The following ZNF347 variants were observed in gnomAD, a reference collection of about 807,000 sequenced individuals.
ZNF347 encodes zinc finger protein 347.
In ZNF347, 19 loss-of-function variants were observed where a neutral mutation model predicts 12.9. That is an observed-to-expected ratio of 1.47 (90% CI 1.03 to 2.16). The LOEUF (loss-of-function observed/expected upper bound fraction) is 2.16. Among genes scored for constraint, ZNF347 ranks in the 30% most tolerant of loss-of-function variants. The pLI is 0.00. For missense variants in ZNF347, 1,005 were observed against 990.6 expected (o/e 1.01, Z -0.19); for synonymous variants, 328 against 340.6 (o/e 0.96, Z 0.41).
intron 1 of ZNF347, among the ~76,000 whole-genome samples, chr19:53,155,993 T>G (rs954387670): frequency 1.0e-4 from 13 of 128,502 alleles, no homozygotes; most frequent in African/African-American, 3.8e-4. Flanking sequence ...CACCAAAATG[T>G]GTGTGTGGCT....
Position 53,142,077 on chromosome 19 carries a change from C to T in ZNF347, c.751G>A (p.Gly251Arg). 6.2e-7 allele frequency: 1 copy of T among 1,612,300 alleles called. No homozygotes were observed. Among genetic ancestry groups the T allele is most frequent in the East Asian group, 2.2e-5 (1 of 44,868 alleles). Residue 251 changes from glycine to arginine, a missense_variant, in exon 5 of 5, where the codon GGG becomes AGG. Physicochemically the swap from Gly to Arg is moderately radical, Grantham distance 125. Coordinates refer to ENST00000334197, the MANE Select transcript of ZNF347 (RefSeq NM_032584.3). ...DFISSLLLTQ[G>R]QKANNWGSPY... ...CTTCCCCAATTATTTGCTTTTTGCCCCTGTGTGAGTAATAAAGAAGAGATA... is the reference window on the plus strand; with the variant it reads ...CTTCCCCAATTATTTGCTTTTTGCCTCTGTGTGAGTAATAAAGAAGAGATA...
rs1308395127 is a variant in ZNF347, at chr19:53,145,152, G to A, written c.272-2596C>T. 3.3e-5 allele frequency among the ~76,000 whole-genome samples: 5 copies of A among 151,890 alleles called. No individual in the cohort carries two copies. In the East Asian group the frequency reaches 5.9e-4, roughly 18 times the overall value. ...CTAAAAACACAAAAATTAGCCAGGC[G>A]TGGTGGCACACGCCTATAATCCTAG... On this transcript the variant is annotated intron_variant, in intron 4 of 4. Transcript: ENST00000334197.
Position 53,138,085 on chromosome 19 carries a change from G to C in ZNF347, c.*2223C>G, listed in dbSNP as rs2090396923. On this transcript the variant is annotated 3_prime_UTR_variant, in exon 5 of 5. Coordinates refer to ENST00000334197, the MANE Select transcript of ZNF347 (RefSeq NM_032584.3). ...GCCTCCCTAAGTGCTGGGATTACAG[G>C]TGTGAGCCACCACACCCAGCCAATA... The C allele has an allele frequency of 6.6e-6, 1 of 152,050 alleles. No homozygotes were observed. The highest frequency in any genetic ancestry group is 1.9e-4 in the East Asian group (1 of 5,188). 9.4% of individuals were successfully genotyped at this position (152,050 alleles called of 1,614,324 possible).
rs1381780824 is a variant in ZNF347, at chr19:53,146,876, T to A, written c.271+1805A>T. ...AAAATTGAAGCTGAAAAAAAAAAAA[T>A]TTCATGTAGAAGAAAAGCCCAGGAT... On this transcript the variant is annotated intron_variant, in intron 4 of 4. Transcript: ENST00000334197. Among the ~76,000 whole-genome samples the A allele has an allele frequency of 7.3e-5, 11 of 150,440 alleles. No homozygotes were observed. In the East Asian group the frequency reaches 7.8e-4, roughly 11 times the overall value.
rs749366487 is a variant in ZNF347 at position 53,142,365 on chromosome 19, C to T, written c.463G>A (p.Val155Met). 1.9e-6 allele frequency: 3 copies of T among 1,613,944 alleles called. No homozygotes were observed. The highest frequency in any genetic ancestry group is 1.6e-4 in the Middle Eastern group (1 of 6,082). Residue 155 changes from valine to methionine, a missense_variant, in exon 5 of 5, where the codon GTG becomes ATG. Val to Met is a conservative substitution (Grantham distance 21, BLOSUM62 1). Transcript: ENST00000334197. ...AGATTGCCTTCTTGGGTCAAAAGCACTCCTTTGTAATTTCCTTCAGCATCT... is the reference window on the plus strand; with the variant it reads ...AGATTGCCTTCTTGGGTCAAAAGCATTCCTTTGTAATTTCCTTCAGCATCT... ...CRDAEGNYKG[V>M]LLTQEGNLTH... is the part of the protein sequence containing the mutation.
Position 53,148,783 on chromosome 19 carries a change from T to A in ZNF347, c.169A>T (p.Ile57Phe). 1 of 1,613,896 alleles carries A rather than the reference T, an allele frequency of 6.2e-7. No individual in the cohort carries two copies. Among genetic ancestry groups the A allele is most frequent in the Non-Finnish European group, 8.5e-7 (1 of 1,179,928 alleles). Residue 57 changes from isoleucine (I) to phenylalanine (F), a missense_variant, in exon 4 of 5, where the codon ATC becomes TTC. Ile to Phe is a conservative substitution (Grantham distance 21). Transcript: ENST00000334197. ...LGISCFDLSI[I>F]SMLEQGKEPF... ...TCCTTCCCTTGCTCCAACATAGAGA[T>A]AATACTGAGGTCAAAACAAGAGATT...
In ZNF347 at chr19:53,140,801, G is replaced by T; in HGVS notation, c.2027C>A (p.Thr676Asn). Residue 676 changes from threonine to asparagine, a missense_variant, in exon 5 of 5, where the codon ACT becomes AAT. Thr to Asn is a moderately conservative substitution (Grantham distance 65, BLOSUM62 0). Coordinates refer to ENST00000334197, the MANE Select transcript of ZNF347 (RefSeq NM_032584.3). ...ATTACACTGGTAAGGTTTACCTCCA[G>T]TATGAACTCTCCGATGTCTTGCAAG... ...SHLARHRRVH[T>N]GGKPYQCNEC... 1 of 1,613,724 alleles carries T rather than the reference G, an allele frequency of 6.2e-7. No individual in the cohort carries two copies. Among genetic ancestry groups the T allele is most frequent in the Non-Finnish European group, 8.5e-7 (1 of 1,179,760 alleles).
chr19:53,142,081 T>A lies in ZNF347; in HGVS notation c.747A>T (p.Thr249=). 1 of 1,613,004 alleles carries A rather than the reference T, an allele frequency of 6.2e-7. No homozygotes were observed. The highest frequency in any genetic ancestry group is 8.5e-7 in the Non-Finnish European group (1 of 1,179,726). ...LKDFISSLLL[T]QGQKANNWGS... ...CCCAATTATTTGCTTTTTGCCCCTG[T>A]GTGAGTAATAAAGAAGAGATAAAAT... is the stretch of plus-strand genomic sequence containing the variant. Residue 249 remains threonine (T), a synonymous_variant, in exon 5 of 5, where the codon ACA becomes ACT. Coordinates refer to ENST00000334197, the MANE Select transcript of ZNF347 (RefSeq NM_032584.3).
rs993843137 is a variant in ZNF347, at chr19:53,135,638, G to A, written c.*4670C>T. The A allele has an allele frequency of 6.6e-6, 1 of 152,168 alleles. No homozygotes were observed. Among genetic ancestry groups the A allele is most frequent in the African/African-American group, 2.4e-5 (1 of 41,416 alleles). 9.4% of individuals were successfully genotyped at this position (152,168 alleles called of 1,614,324 possible). On this transcript the variant is annotated 3_prime_UTR_variant, in exon 5 of 5. Coordinates refer to ENST00000334197, the MANE Select transcript of ZNF347 (RefSeq NM_032584.3). ...TCCCCCCGCCTCGGCCTCCCAAAGT[G>A]CTGGGATTACAGGCATGAGCCACTG...
Position 53,140,334 on chromosome 19 carries a change from G to C in ZNF347, c.2494C>G (p.Pro832Ala). Residue 832 changes from proline (P) to alanine (A), a missense_variant, in exon 5 of 5, where the codon CCT becomes GCT. By Grantham distance (27) the Pro-to-Ala change is conservative. Coordinates refer to ENST00000334197, the MANE Select transcript of ZNF347 (RefSeq NM_032584.3). ...TATGAATTCTGTGATGGCTTGCAAG[G>C]TTTGAACTCTGACTTTAGAACTTTC... is the stretch of plus-strand genomic sequence containing the variant. ...VWKVLKSEFK[P>A]CKPSQNS 9 of 1,568,090 alleles carry C rather than the reference G, an allele frequency of 5.7e-6. No homozygotes were observed. The highest frequency in any genetic ancestry group is 7.8e-6 in the Non-Finnish European group (9 of 1,160,890).
rs773187236 is a variant in ZNF347, at chr19:53,140,782, C to A, written c.2046G>T (p.Gln682His). ...TAAAGGCTTTGCCACATTCATTACA[C>A]TGGTAAGGTTTACCTCCAGTATGAA... is the stretch of plus-strand genomic sequence containing the variant. ...RRVHTGGKPYQCNECGKAFSQ... is the reference protein window; with the variant it reads ...RRVHTGGKPYHCNECGKAFSQ... The change falls in exon 5 of 5, where the codon CAG becomes CAT. Residue 682 changes from glutamine (Q) to histidine (H), a missense_variant. Physicochemically the swap from Gln to His is conservative, Grantham distance 24. Transcript: ENST00000334197. The A allele has an allele frequency of 1.2e-6, 2 of 1,612,792 alleles. No homozygotes were observed. Among genetic ancestry groups the A allele is most frequent in the Middle Eastern group, 1.7e-4 (1 of 6,058 alleles).
chr19:53,152,872 T>G (rs185809537), intron 2 of ZNF347, among the ~76,000 whole-genome samples: 9 of 151,856 alleles, frequency 5.9e-5, no homozygotes, highest in Non-Finnish European at 7.4e-5. Flanking sequence ...GGAGCTTGCA[T>G]TGGGCTGAGA....
chr19:53,157,095 A>C (rs2090540598), intron 1 of ZNF347, among the ~76,000 whole-genome samples: 3 of 152,186 alleles, frequency 2.0e-5, no homozygotes, highest in African/African-American at 7.2e-5. Context: ...GGGTGGACTC[A>C]AAACTAAATG....
chr19:53,149,335 T>C lies in ZNF347; in HGVS notation c.48A>G (p.Glu16=). Residue 16 remains glutamate (E), a synonymous_variant, in exon 3 of 5, where the codon GAA becomes GAG. Coordinates refer to ENST00000334197, the MANE Select transcript of ZNF347 (RefSeq NM_032584.3). ...GGCATGTCCACTCCTCCTGAGAGAA[T>C]TCTATAGCCACATCCCTGAATGTCA... The part of the protein sequence containing the change: ...GQVTFRDVAI[E]FSQEEWTCLD... 1 of 1,613,980 alleles carries C rather than the reference T, an allele frequency of 6.2e-7. No individual in the cohort carries two copies. Among genetic ancestry groups the C allele is most frequent in the South Asian group, 1.1e-5 (1 of 91,072 alleles).
At chr19:53,151,534 T>TAAA (rs34905550) in intron 2 of ZNF347, among the ~76,000 whole-genome samples, 4 of 80,334 alleles carry the variant, frequency 5.0e-5, no homozygotes, top group Non-Finnish European at 4.9e-5. Flanking sequence ...CAAGACTGTC[T>TAAA]AAAAAAAAAA....
chr19:53,142,093 A>C lies in ZNF347; in HGVS notation c.735T>G (p.Ser245=), dbSNP rs1464477194. 1 of 1,612,774 alleles carries C rather than the reference A, an allele frequency of 6.2e-7. No homozygotes were observed. Among genetic ancestry groups the C allele is most frequent in the East Asian group, 2.2e-5 (1 of 44,874 alleles). Residue 245 remains serine (S), a synonymous_variant, in exon 5 of 5, where the codon TCT becomes TCG. Transcript: ENST00000334197. ...CTTTTTGCCCCTGTGTGAGTAATAA[A>C]GAAGAGATAAAATCTTTGAGATATT... ...SKKYLKDFIS[S]LLLTQGQKAN...
chr19:53,146,839 G>A (rs538071345), intron 4 of ZNF347, among the ~76,000 whole-genome samples: 2 of 150,920 alleles, frequency 1.3e-5, no homozygotes, highest in East Asian at 3.9e-4. Context: ...AAAACCTGAA[G>A]ACACTAATAA....
rs762731351 is a variant in ZNF347, at chr19:53,141,690, T to G, written c.1138A>C (p.Lys380Gln). 1.1e-5 allele frequency: 18 copies of G among 1,614,102 alleles called. No individual in the cohort carries two copies. The South Asian group carries it at 1.9e-4, about 17-fold the overall frequency. Residue 380 changes from lysine (K) to glutamine (Q), a missense_variant, in exon 5 of 5, where the codon AAA becomes CAA. Physicochemically the swap from Lys to Gln is moderately conservative, Grantham distance 53. Coordinates refer to ENST00000334197, the MANE Select transcript of ZNF347 (RefSeq NM_032584.3). ...AAGCTTGAACGAGCTCTAAAGGCTTTCCCACACTCATTACACTTGTAAGGT... is the reference window on the plus strand; with the variant it reads ...AAGCTTGAACGAGCTCTAAAGGCTTGCCCACACTCATTACACTTGTAAGGT... ...EKPYKCNECG[K>Q]AFRARSSLAI...
chr19:53,135,892 G>T lies in ZNF347; in HGVS notation c.*4416C>A, dbSNP rs2090386243. On this transcript the variant is annotated 3_prime_UTR_variant, in exon 5 of 5. Transcript: ENST00000334197. ...TTTTAAAATGGAAACAAATCTAAGG[G>T]GAGTATATTAAATGGCAGCTGTCAT... 2 of 151,996 alleles carry T rather than the reference G, an allele frequency of 1.3e-5. No homozygotes were observed. Among genetic ancestry groups the T allele is most frequent in the African/African-American group, 4.8e-5 (2 of 41,358 alleles). 9.4% of individuals were successfully genotyped at this position (151,996 alleles called of 1,614,324 possible). A position where few individuals can be genotyped will look rare whatever the true frequency, so the allele number is the denominator to read the frequency against.
Sources: allele counts gnomAD v4.1 joint callset (sites outside exome capture counted in the v4.1 genomes callset), GRCh38; gene constraint gnomAD v4.1.1; transcripts MANE v1.5; gene names NCBI Gene and HGNC (gene_info 2026-07-23, HGNC 2026-07-21).